Variants in EEF1AKMT3 observed in about 807,000 individuals in gnomAD.
EEF1AKMT3 encodes eEF1A-KMT3.
EEF1AKMT3 carries 17 observed loss-of-function variants against 17.8 expected under a neutral mutation model. The ratio of observed to expected loss-of-function variants is 0.96; its 90% confidence interval spans 0.65 to 1.43. The LOEUF (loss-of-function observed/expected upper bound fraction) is 1.43, where lower values mean the gene tolerates loss of function less well. Ranked by LOEUF, EEF1AKMT3 falls within the 40% of genes most tolerant of loss-of-function variation. The pLI, the probability that EEF1AKMT3 is intolerant of heterozygous loss-of-function variation, is 0.00. For synonymous variants in EEF1AKMT3, 116 were observed against 126.5 expected, an observed-to-expected ratio of 0.92 and a Z score of 0.56; for missense variants, 244 against 285.8, an observed-to-expected ratio of 0.85 and a Z score of 1.06.
intron 2 of EEF1AKMT3, 134 bp downstream of exon 2, chr12:57,773,262 TA>T: frequency 1.2e-6 from 1 of 836,524 alleles, no homozygotes; most frequent in South Asian, 1.8e-5. Context: ...AATTTTTTTT[TA>T]AAATTTGTTT....
chr12:57,780,284 CT>C lies in EEF1AKMT3; in HGVS notation c.320del (p.Leu107ArgfsTer3), dbSNP rs1565818005. ...GGDVTITDLP[L>X]ALEQIQGNVQ... ...GGATGTTACCATCACTGACCTGCCC[CT>C]GGCCCTAGAACAGATCCAGGGCAAC... On this transcript the variant is annotated frameshift_variant, in exon 3 of 3. Transcript: ENST00000300209. LOFTEE classifies it high-confidence loss of function. 2 of 1,613,880 alleles carry C rather than the reference CT, an allele frequency of 1.2e-6. No homozygotes were observed. The highest frequency in any genetic ancestry group is 2.2e-5 in the South Asian group (2 of 91,060).
intron 2 of EEF1AKMT3, among the ~76,000 whole-genome samples, chr12:57,778,821 T>C (rs1955495706): frequency 6.6e-6 from 1 of 152,120 alleles, no homozygotes; most frequent in African/African-American, 2.4e-5. Context: ...CTTCTCATCA[T>C]AGCAGCCAGC....
At chr12:57,780,233 T>A in intron 2 of EEF1AKMT3, 22 bp from the exon 3 acceptor site, 1 of 1,606,954 alleles carries the variant, frequency 6.2e-7, no homozygotes, top group Non-Finnish European at 8.5e-7. Flanking sequence ...GACTTGCATT[T>A]TTCCTCCTTC....
At chr12:57,779,015 A>C (rs1190885796) in intron 2 of EEF1AKMT3, among the ~76,000 whole-genome samples, 1 of 152,086 alleles carries the variant, frequency 6.6e-6, no homozygotes, top group Non-Finnish European at 1.5e-5. Flanking sequence ...GCCCGCCACC[A>C]CACCCAGCTA....
chr12:57,774,588 G>A (rs772488970), intron 2 of EEF1AKMT3: 30 of 901,282 alleles, frequency 3.3e-5, no homozygotes, highest in South Asian at 2.7e-4. Flanking sequence ...GCTAGGTATT[G>A]GGGATTCAAC....
At position 57,772,837 on chromosome 12, in the gene EEF1AKMT3, A is replaced by T. The variant is rs571697245; in HGVS notation, c.113A>T (p.His38Leu). ...AAGAGCCAGTTCTGTTTCTGTGGGC[A>T]TGTGCTGACCATCACGCAGAACTTT... is the stretch of plus-strand genomic sequence containing the variant. Reference protein sequence around the residue: ...SEKSQFCFCGHVLTITQNFGS... With the variant: ...SEKSQFCFCGLVLTITQNFGS... The change falls in exon 1 of 3, where the codon CAT (histidine) becomes CTT (leucine). Residue 38 changes from histidine (H) to leucine (L), a missense_variant. By Grantham distance (99) the His-to-Leu change is moderately conservative (BLOSUM62 -3). Coordinates refer to ENST00000300209, the MANE Select transcript of EEF1AKMT3 (RefSeq NM_015433.3). This position sits in a 1 kb window ranked among gnomAD's most constrained non-coding sequence, Gnocchi z 4.1. 1.9e-6 allele frequency: 3 copies of T among 1,614,144 alleles called. No individual in the cohort carries two copies. The highest frequency in any genetic ancestry group is 2.5e-6 in the Non-Finnish European group (3 of 1,179,992).
intron 2 of EEF1AKMT3, among the ~76,000 whole-genome samples, chr12:57,777,390 A>G (rs1036634380): frequency 1.3e-5 from 2 of 152,048 alleles, no homozygotes; most frequent in Non-Finnish European, 2.9e-5. Flanking sequence ...CTCTCCTCCT[A>G]TTCTTTCCTT....
intron 2 of EEF1AKMT3, among the ~76,000 whole-genome samples, chr12:57,778,516 T>C (rs747310148): frequency 6.6e-6 from 1 of 151,508 alleles, no homozygotes; most frequent in Non-Finnish European, 1.5e-5. Flanking sequence ...CCCAGACTGG[T>C]CTCAAACTCC....
chr12:57,778,496 T>C (rs1197088668), intron 2 of EEF1AKMT3, among the ~76,000 whole-genome samples: 2 of 151,534 alleles, frequency 1.3e-5, no homozygotes, highest in Non-Finnish European at 2.9e-5. Flanking sequence ...GACGAGGTTT[T>C]GCTATGTTGC....
At chr12:57,775,097 C>T (rs1230042811) in intron 2 of EEF1AKMT3, among the ~76,000 whole-genome samples, 3 of 113,170 alleles carry the variant, frequency 2.7e-5, no homozygotes, top group South Asian at 6.6e-4. Flanking sequence ...AAGAGTGAAA[C>T]GCCATCTCAA....
In EEF1AKMT3 at chr12:57,772,765, C is replaced by T. The variant is rs1314853966; in HGVS notation, c.41C>T (p.Ser14Leu). The T allele has an allele frequency of 2.5e-6, 4 of 1,614,010 alleles. No homozygotes were observed. Among genetic ancestry groups the T allele is most frequent in the Non-Finnish European group, 3.4e-6 (4 of 1,179,976 alleles). ...CCAGATCCCGAATCTGAGTCGGAAT[C>T]GGTGTTCCCGCGGGAGGTCGGGCTC... ...PGPDPESESE[S>L]VFPREVGLFA... The change falls in exon 1 of 3, where the codon TCG becomes TTG. Residue 14 changes from serine (S) to leucine (L), a missense_variant. Ser to Leu is a moderately radical substitution (Grantham distance 145). Transcript: ENST00000300209. This position sits in a 1 kb window ranked among gnomAD's most constrained non-coding sequence, Gnocchi z 4.1.
At chr12:57,779,146 C>T (rs10877019) in intron 2 of EEF1AKMT3, among the ~76,000 whole-genome samples, 40,529 of 152,072 alleles carry the variant, frequency 0.27, 6,792 homozygotes, top group East Asian at 0.65. Flanking sequence ...GCTGCCAAGA[C>T]TTTGTCCTCT....
In EEF1AKMT3 at chr12:57,780,374, C is replaced by T. The variant is rs1235971764; in HGVS notation, c.409C>T (p.His137Tyr). Residue 137 changes from histidine to tyrosine, a missense_variant, in exon 3 of 3, where the codon CAT becomes TAT. Transcript: ENST00000300209. Reference sequence around the variant, plus strand: ...GCGTGCCTTGTCCTGGGGGATTGACCATCATGTCTTCCCTGCAAACTATGA... The same window carrying T: ...GCGTGCCTTGTCCTGGGGGATTGACTATCATGTCTTCCCTGCAAACTATGA... Reference protein sequence around the residue: ...QVRALSWGIDHHVFPANYDLV... With the variant: ...QVRALSWGIDYHVFPANYDLV... The T allele has an allele frequency of 6.2e-7, 1 of 1,614,176 alleles. No individual in the cohort carries two copies. The highest frequency in any genetic ancestry group is 1.7e-5 in the Admixed American group (1 of 60,016).
intron 2 of EEF1AKMT3, among the ~76,000 whole-genome samples, chr12:57,775,727 C>A (rs142829241): frequency 8.5e-5 from 13 of 152,284 alleles, no homozygotes; most frequent in South Asian, 2.1e-4. Flanking sequence ...CTTCAAGCTT[C>A]TTCTGGGGAA....
rs200707173 is a variant in EEF1AKMT3 at position 57,780,471 on chromosome 12, T to G, written c.506T>G (p.Leu169Arg). ...CTGCTGCTGGGGACCCTCCAACACC[T>G]GTGCAGGCCCCATGGCACCATCTAT... ...FPLLLGTLQH[L>R]CRPHGTIYLA... Residue 169 changes from leucine (L) to arginine (R), a missense_variant, in exon 3 of 3, where the codon CTG becomes CGG. Transcript: ENST00000300209. 15 of 1,614,208 alleles carry G rather than the reference T, an allele frequency of 9.3e-6. No individual in the cohort carries two copies. The East Asian group carries it at 3.3e-4, about 36-fold the overall frequency.
At chr12:57,776,965 A>G (rs1293154003) in intron 2 of EEF1AKMT3, among the ~76,000 whole-genome samples, 2 of 152,126 alleles carry the variant, frequency 1.3e-5, no homozygotes, top group African/African-American at 2.4e-5. Context: ...TCTTATCTCT[A>G]ATGATTGCTT....
intron 2 of EEF1AKMT3, 138 bp downstream of exon 2, chr12:57,773,266 A>C: frequency 1.2e-6 from 1 of 833,202 alleles, no homozygotes; most frequent in African/African-American, 1.7e-5. Flanking sequence ...TTTTTTTAAA[A>C]TTTGTTTTTG....
chr12:57,773,472 G>A (rs1955459480), intron 2 of EEF1AKMT3, among the ~76,000 whole-genome samples: 1 of 151,994 alleles, frequency 6.6e-6, no homozygotes, highest in African/African-American at 2.4e-5. Flanking sequence ...TGTCGCCCAG[G>A]CTGGAGTGCA....
intron 2 of EEF1AKMT3, among the ~76,000 whole-genome samples, chr12:57,779,319 TATTTA>T (rs1955498148): frequency 6.6e-6 from 1 of 152,192 alleles, no homozygotes; most frequent in African/African-American, 2.4e-5. Flanking sequence ...TATTTTATTT[TATTTA>T]TTTTGTTTGT....
Sources: gnomAD v4.1 joint callset for allele counts (sites outside exome capture counted in the v4.1 genomes callset) on GRCh38, gnomAD v4.1.1 for gene constraint, Gnocchi (gnomAD v3.1) non-coding constraint, MANE v1.5 for transcripts, NCBI Gene and HGNC (gene_info 2026-07-23, HGNC 2026-07-21) for gene names.